Variants in NRF1 observed in about 807,000 individuals in gnomAD.
The protein encoded by NRF1 is alpha palindromic-binding protein.
A neutral mutation model predicts 58.5 loss-of-function variants in NRF1; 5 were observed. That is an observed-to-expected ratio of 0.09 (90% CI 0.04 to 0.18). The LOEUF is 0.18. Among genes scored for constraint, NRF1 ranks in the 10% least tolerant of loss-of-function variants. The pLI is 1.00. For synonymous variants in NRF1, 224 were observed against 246.7 expected, an observed-to-expected ratio of 0.91 and a Z score of 0.86; for missense variants, 288 against 657.7, an observed-to-expected ratio of 0.44 and a Z score of 6.15.
chr7:129,740,299 T>C (rs755411726), intron 10 of NRF1, among the ~76,000 whole-genome samples: 16 of 152,228 alleles, frequency 1.1e-4, no homozygotes, highest in Non-Finnish European at 1.6e-4. Context: ...CTACCACTGC[T>C]ACAACTGCTG....
At chr7:129,732,659 G>T (rs535110710) in intron 10 of NRF1, among the ~76,000 whole-genome samples, 1 of 152,168 alleles carries the variant, frequency 6.6e-6, no homozygotes, top group East Asian at 2.0e-4. Context: ...CTGGAGTGCA[G>T]TGGCTCAATC....
chr7:129,636,851 CAT>C (rs1801178483), intron 1 of NRF1, among the ~76,000 whole-genome samples: 1 of 152,166 alleles, frequency 6.6e-6, no homozygotes, highest in African/African-American at 2.4e-5. Context: ...GTGCTTGAAT[CAT>C]ATTGAACTTC....
chr7:129,685,993 T>C (rs1802434892), intron 4 of NRF1, among the ~76,000 whole-genome samples: 1 of 149,704 alleles, frequency 6.7e-6, no homozygotes, highest in Non-Finnish European at 1.5e-5. Flanking sequence ...TCCTGGCTAC[T>C]CAGGAGGCTG....
intron 2 of NRF1, among the ~76,000 whole-genome samples, chr7:129,663,083 G>A (rs1353126433): frequency 1.3e-5 from 2 of 152,268 alleles, no homozygotes; most frequent in Non-Finnish European, 2.9e-5. Context: ...GTAAGTTAAA[G>A]ATTAACAGCA....
chr7:129,736,274 A>AT lies in NRF1; in HGVS notation c.1348+8932dup, dbSNP rs61690883. ...TTTAATCTCAGCAATGCTCAATAGA[A>AT]TTTTTTTTTTTTTTTTTTTTTTTGA... On this transcript the variant is annotated intron_variant, in intron 10 of 10. Transcript: ENST00000393232. Among the ~76,000 whole-genome samples, 695 of 97,924 alleles carry AT rather than the reference A, an allele frequency of 7.1e-3. 6 individuals are homozygous for AT. Among genetic ancestry groups the AT allele is most frequent in the Non-Finnish European group, 8.5e-3 (408 of 47,842 alleles). 64.2% of individuals were successfully genotyped at this position (97,924 alleles called of 152,430 possible). A position where few individuals can be genotyped will look rare whatever the true frequency, so the allele number is the denominator to read the frequency against.
rs150859584 is a variant in NRF1, at chr7:129,726,253, T to C, written c.1224-988T>C. ...ACTTTACCAGAAGGGATAATGAAAT[T>C]GCCTGTTTTTTCACATTTTTACATC... On this transcript the variant is annotated intron_variant, in intron 9 of 10. Transcript: ENST00000393232. Among the ~76,000 whole-genome samples the C allele has an allele frequency of 1.9e-3, 292 of 152,340 alleles. 1 individual carries two copies. The highest frequency in any genetic ancestry group is 3.0e-3 in the Non-Finnish European group (207 of 68,034).
Position 129,755,229 on chromosome 7 carries a change from T to G in NRF1, c.*48T>G. On this transcript the variant is annotated 3_prime_UTR_variant, in exon 11 of 11. Coordinates refer to ENST00000393232, the MANE Select transcript of NRF1 (RefSeq NM_005011.5). This position sits in a 1 kb window ranked among gnomAD's most constrained non-coding sequence, Gnocchi z 5.8. ...GTTTTCTAGTCTACTTCAAAATTTT[T>G]TACACGTTTGCAGAGGTGCAATCAA... is the stretch of plus-strand genomic sequence containing the variant. 1.3e-6 allele frequency: 2 copies of G among 1,490,326 alleles called. No individual in the cohort carries two copies. The highest frequency in any genetic ancestry group is 1.8e-6 in the Non-Finnish European group (2 of 1,111,648). 92.3% of individuals were successfully genotyped at this position (1,490,326 alleles called of 1,614,324 possible).
At chr7:129,649,471 T>C (rs1801486025) in intron 1 of NRF1, among the ~76,000 whole-genome samples, 1 of 152,244 alleles carries the variant, frequency 6.6e-6, no homozygotes, top group South Asian at 2.1e-4. Flanking sequence ...CCTGCTTTTC[T>C]TTCTGCTTTG....
rs891964815 is a variant in NRF1, at chr7:129,675,149, A to G, written c.339-2483A>G. 7.2e-5 allele frequency among the ~76,000 whole-genome samples: 11 copies of G among 152,324 alleles called. 1 individual carries two copies. The South Asian group carries it at 1.0e-3, about 14-fold the overall frequency. ...AGGAAACCGCTTTCTTTGCTCATCA[A>G]TAAGAAGCACCTCTCATCCATTGGA... is the stretch of plus-strand genomic sequence containing the variant. On this transcript the variant is annotated intron_variant, in intron 3 of 10. Transcript: ENST00000393232.
At chr7:129,739,290 A>C (rs930353815) in intron 10 of NRF1, among the ~76,000 whole-genome samples, 1 of 152,236 alleles carries the variant, frequency 6.6e-6, no homozygotes, top group African/African-American at 2.4e-5. Context: ...TAATTTAATT[A>C]TAATTTATTC....
intron 1 of NRF1, among the ~76,000 whole-genome samples, chr7:129,631,236 ATT>A (rs55900304): frequency 0.13 from 19,119 of 146,094 alleles, 1,801 homozygotes; most frequent in East Asian, 0.47. Flanking sequence ...ATTTGATTTA[ATT>A]TTTTTTTTTT....
At chr7:129,730,104 C>T (rs577111292) in intron 10 of NRF1, among the ~76,000 whole-genome samples, 5 of 152,296 alleles carry the variant, frequency 3.3e-5, no homozygotes, top group Admixed American at 2.6e-4. Context: ...GGAATACAGG[C>T]GTAAGCCACT....
intron 10 of NRF1, among the ~76,000 whole-genome samples, chr7:129,750,641 G>T (rs1021273299): frequency 6.6e-6 from 1 of 152,202 alleles, no homozygotes; most frequent in South Asian, 2.1e-4. Flanking sequence ...AAGGTGTGTG[G>T]CTGTCCTCAC....
chr7:129,662,129 A>G (rs1191274343), intron 2 of NRF1, among the ~76,000 whole-genome samples: 1 of 151,244 alleles, frequency 6.6e-6, no homozygotes, highest in Non-Finnish European at 1.5e-5. Flanking sequence ...TGATTCAGTT[A>G]CCTCCCACTA....
At chr7:129,754,455 CCTGT>C (rs1562995197) in intron 10 of NRF1, among the ~76,000 whole-genome samples, 1 of 21,632 alleles carries the variant, frequency 4.6e-5, no homozygotes, top group African/African-American at 1.7e-4. Flanking sequence ...AGAGCCAGAC[CCTGT>C]CTCTTAAAAA....
intron 9 of NRF1, among the ~76,000 whole-genome samples, chr7:129,726,939 A>G (rs1285046239): frequency 8.5e-5 from 13 of 152,330 alleles, no homozygotes; most frequent in Non-Finnish European, 1.8e-4. Flanking sequence ...CTCAGCTGAT[A>G]TTGATAAGGA....
chr7:129,629,689 TAGAA>T (rs1330915285), intron 1 of NRF1, among the ~76,000 whole-genome samples: 2 of 152,160 alleles, frequency 1.3e-5, no homozygotes, highest in African/African-American at 4.8e-5. Context: ...CGCAGAATAG[TAGAA>T]AGACATAACT....
chr7:129,689,304 G>A (rs78704709), intron 4 of NRF1, among the ~76,000 whole-genome samples: 6,474 of 152,202 alleles, frequency 0.043, 168 homozygotes, highest in Middle Eastern at 0.12. Flanking sequence ...ATAAGGAAGT[G>A]TATAGAGTCC....
At chr7:129,633,979 C>A (rs1406007749) in intron 1 of NRF1, among the ~76,000 whole-genome samples, 1 of 149,202 alleles carries the variant, frequency 6.7e-6, no homozygotes, top group East Asian at 1.9e-4. Context: ...CCCTGTACCC[C>A]ACTTTGACCG....
Sources: allele counts gnomAD v4.1 joint callset (sites outside exome capture counted in the v4.1 genomes callset), GRCh38; gene constraint gnomAD v4.1.1; non-coding constraint Gnocchi (gnomAD v3.1); transcripts MANE v1.5; gene names NCBI Gene and HGNC (gene_info 2026-07-23, HGNC 2026-07-21).